The following HERC1 variants were observed in gnomAD, a reference collection of about 807,000 sequenced individuals.
HERC1 encodes the protein probable E3 ubiquitin-protein ligase HERC1.
Under a neutral mutation model 554.3 loss-of-function variants are expected in HERC1, and 160 were observed. The observed-to-expected ratio is 0.29, with a 90% CI of 0.25 to 0.33. HERC1 has a LOEUF of 0.33. HERC1 is among the 10% of genes least tolerant of loss of function. The pLI is 1.00. For synonymous variants in HERC1, 2,175 were observed against 2,131.7 expected, an observed-to-expected ratio of 1.02 and a Z score of -0.56; for missense variants, 4,919 against 5,918.5, an observed-to-expected ratio of 0.83 and a Z score of 5.54.
chr15:63,729,167 G>T, intron 16 of HERC1, 69 bp downstream of exon 16: 1 of 1,393,422 alleles, frequency 7.2e-7, no homozygotes, highest in Non-Finnish European at 9.7e-7. Context: ...GCTCTCTTAA[G>T]ACTTTGGAAA....
At chr15:63,776,862 T>C (rs1049616251) in intron 1 of HERC1, among the ~76,000 whole-genome samples, 2 of 152,204 alleles carry the variant, frequency 1.3e-5, no homozygotes, top group Non-Finnish European at 2.9e-5. Context: ...TACATTTCAC[T>C]GCATGTAAAT....
chr15:63,612,593 C>A lies in HERC1; in HGVS notation c.14095-37G>T. 1.3e-6 allele frequency: 2 copies of A among 1,584,376 alleles called. No individual in the cohort carries two copies. The highest frequency in any genetic ancestry group is 1.7e-6 in the Non-Finnish European group (2 of 1,163,458). On this transcript the variant is annotated intron_variant, in intron 76 of 77. Coordinates refer to ENST00000443617, the MANE Select transcript of HERC1 (RefSeq NM_003922.4). The surrounding 1 kb of genome is among the most constrained non-coding windows in gnomAD (Gnocchi z 5.0). The stretch of plus-strand genomic sequence containing the variant: ...AGAGGTTGCTCATTCAATGAGTGTG[C>A]GTGAACCTGGCACCCACCAAGGGCC...
At chr15:63,707,355 A>G (rs1431768731) in intron 24 of HERC1, among the ~76,000 whole-genome samples, 2 of 152,232 alleles carry the variant, frequency 1.3e-5, no homozygotes, top group Non-Finnish European at 2.9e-5. Context: ...TGTCTTTTTA[A>G]AAAACCTATT....
At chr15:63,732,601 A>G (rs1417128476) in intron 14 of HERC1, among the ~76,000 whole-genome samples, 1 of 152,236 alleles carries the variant, frequency 6.6e-6, no homozygotes, top group Non-Finnish European at 1.5e-5. Context: ...TTCCAAGTAC[A>G]TTGTTTCATT....
At chr15:63,623,215 T>A (rs1169645432) in intron 73 of HERC1, among the ~76,000 whole-genome samples, 1 of 152,154 alleles carries the variant, frequency 6.6e-6, no homozygotes, top group Non-Finnish European at 1.5e-5. Flanking sequence ...GTCACAGGGT[T>A]TACTGGAAAA....
In HERC1 at chr15:63,775,233, G is replaced by T; in HGVS notation, c.391C>A (p.Gln131Lys). 6.2e-7 allele frequency: 1 copy of T among 1,614,048 alleles called. No homozygotes were observed. Among genetic ancestry groups the T allele is most frequent in the Non-Finnish European group, 8.5e-7 (1 of 1,179,896 alleles). Residue 131 changes from glutamine (Q) to lysine (K), a missense_variant, in exon 2 of 78, where the codon CAG becomes AAG. Physicochemically the swap from Gln to Lys is moderately conservative, Grantham distance 53. This residue lies in a region of HERC1 where 744 missense variants were observed against 1,090.0 expected (regional missense o/e 0.68). Coordinates refer to ENST00000443617, the MANE Select transcript of HERC1 (RefSeq NM_003922.4). This position sits in a 1 kb window ranked among gnomAD's most constrained non-coding sequence, Gnocchi z 4.0. ...CCAGAACTGCTCTCCGGAGAATGCT[G>T]CTGCTGCTTCACCTTGCCTTTGTCA... is the stretch of plus-strand genomic sequence containing the variant. The part of the protein sequence containing the change: ...YHDKGKVKQQ[Q>K]HSPESSSGSA...
rs190220172 is a variant in HERC1, at chr15:63,826,060, G to A, written c.-27+7767C>T. ...CTAACAGGTGTGAGCCACCACGCCC[G>A]GCCAAATAATAATTTCTTAAAAAGA... On this transcript the variant is annotated intron_variant, in intron 1 of 77. Coordinates refer to ENST00000443617, the MANE Select transcript of HERC1 (RefSeq NM_003922.4). Among the ~76,000 whole-genome samples, 75 of 152,126 alleles carry A rather than the reference G, an allele frequency of 4.9e-4. No individual in the cohort carries two copies. In the East Asian group the frequency reaches 0.011, roughly 23 times the overall value.
At chr15:63,765,593 C>T (rs1247740377) in intron 2 of HERC1, among the ~76,000 whole-genome samples, 1 of 152,152 alleles carries the variant, frequency 6.6e-6, no homozygotes, top group Non-Finnish European at 1.5e-5. Context: ...TCTCCCACAA[C>T]TCCTTATTGT....
chr15:63,711,958 T>G (rs1028257710), intron 24 of HERC1, among the ~76,000 whole-genome samples: 1 of 152,212 alleles, frequency 6.6e-6, no homozygotes, highest in Non-Finnish European at 1.5e-5. Flanking sequence ...GTTCCTCAAG[T>G]AGAAGCAATC....
In HERC1 at chr15:63,674,808, T is replaced by C; in HGVS notation, c.7380A>G (p.Glu2460=). Residue 2460 remains glutamate (E), a synonymous_variant, in exon 38 of 78, where the codon GAA becomes GAG. Coordinates refer to ENST00000443617, the MANE Select transcript of HERC1 (RefSeq NM_003922.4). ...KSQSTTSSKS[E]NEIASFSLDP... The stretch of plus-strand genomic sequence containing the variant: ...CTAAAGAAAATGAAGCGATTTCATT[T>C]TCTGATTTGGAGCTTGTGGTACTCT... 6.2e-7 allele frequency: 1 copy of C among 1,613,958 alleles called. No homozygotes were observed. The highest frequency in any genetic ancestry group is 8.5e-7 in the Non-Finnish European group (1 of 1,179,868).
intron 52 of HERC1, 36 bp from the exon 53 acceptor site, chr15:63,651,416 C>T (rs1236839398): frequency 6.3e-7 from 1 of 1,583,190 alleles, no homozygotes; most frequent in East Asian, 2.2e-5. Context: ...GTTCTAATCC[C>T]CATCATTCAA....
chr15:63,826,100 T>C (rs1347168283), intron 1 of HERC1, among the ~76,000 whole-genome samples: 4 of 152,168 alleles, frequency 2.6e-5, no homozygotes, highest in Non-Finnish European at 5.9e-5. Flanking sequence ...GAATGGAATA[T>C]AAACTCATCA....
At chr15:63,696,021 T>C (rs2072392709) in intron 27 of HERC1, 103 bp downstream of exon 27, 2 of 830,700 alleles carry the variant, frequency 2.4e-6, no homozygotes. Flanking sequence ...TTAAAGTCTT[T>C]GTATTTTTAA....
At chr15:63,812,830 A>C (rs1354965366) in intron 1 of HERC1, among the ~76,000 whole-genome samples, 5 of 152,188 alleles carry the variant, frequency 3.3e-5, no homozygotes, top group Non-Finnish European at 7.3e-5. Context: ...AAAGATAATC[A>C]AAATAGATGG....
intron 1 of HERC1, among the ~76,000 whole-genome samples, chr15:63,782,676 T>C (rs552440160): frequency 2.0e-5 from 3 of 152,368 alleles, no homozygotes; most frequent in Non-Finnish European, 4.4e-5. Flanking sequence ...TGTAAGGCTA[T>C]AGCTGCCACA....
intron 18 of HERC1, among the ~76,000 whole-genome samples, chr15:63,724,426 G>A (rs2073951808): frequency 6.6e-6 from 1 of 152,174 alleles, no homozygotes; most frequent in South Asian, 2.1e-4. Flanking sequence ...ATTTGGAAAT[G>A]GAGGAAAATC....
At chr15:63,805,905 T>C (rs958608435) in intron 1 of HERC1, among the ~76,000 whole-genome samples, 1 of 150,194 alleles carries the variant, frequency 6.7e-6, no homozygotes, top group Non-Finnish European at 1.5e-5. Flanking sequence ...ATCATGCCAC[T>C]GCACTACAGC....
chr15:63,797,689 C>T (rs2076854076), intron 1 of HERC1, among the ~76,000 whole-genome samples: 1 of 152,254 alleles, frequency 6.6e-6, no homozygotes, highest in African/African-American at 2.4e-5. Flanking sequence ...GTCAATTAAA[C>T]TCTTCCTTTA....
chr15:63,705,155 T>C (rs1378500711), intron 25 of HERC1, among the ~76,000 whole-genome samples: 1 of 152,078 alleles, frequency 6.6e-6, no homozygotes, highest in African/African-American at 2.4e-5. Context: ...AATCATTCTC[T>C]GTATTCTTTT....
Sources: allele counts gnomAD v4.1 joint callset (sites outside exome capture counted in the v4.1 genomes callset), GRCh38; gene constraint gnomAD v4.1.1; regional missense constraint gnomAD v4.1.1; non-coding constraint Gnocchi (gnomAD v3.1); transcripts MANE v1.5; gene names NCBI Gene and HGNC (gene_info 2026-07-23, HGNC 2026-07-21).